PGRMC2: variants seen among roughly 807,000 people sequenced by gnomAD.
PGRMC2 encodes progesterone receptor membrane component 2.
In PGRMC2, 9 loss-of-function variants were observed where a neutral mutation model predicts 19.3. That is an observed-to-expected ratio of 0.47 (90% confidence interval 0.28 to 0.81). The LOEUF (loss-of-function observed/expected upper bound fraction) is 0.81. Among genes scored for constraint, PGRMC2 ranks in the 40% least tolerant of loss-of-function variants. The pLI is 0.11. For synonymous variants in PGRMC2, 157 were observed against 124.6 expected (o/e 1.26, Z -1.73); for missense variants, 289 against 297.3 (o/e 0.97, Z 0.21).
intron 1 of PGRMC2, among the ~76,000 whole-genome samples, chr4:128,285,581 A>C (rs564287795): frequency 1.3e-5 from 2 of 152,336 alleles, no homozygotes; most frequent in Admixed American, 1.3e-4. Flanking sequence ...TGTTTTCTTC[A>C]GTGGCAGTTC....
chr4:128,281,187 T>C (rs1268567744), intron 1 of PGRMC2, among the ~76,000 whole-genome samples: 1 of 152,112 alleles, frequency 6.6e-6, no homozygotes, highest in East Asian at 1.9e-4. Context: ...GAAAACAGGA[T>C]GGGGGAGGAA....
chr4:128,276,903 A>G (rs898353987), intron 1 of PGRMC2, among the ~76,000 whole-genome samples: 4 of 152,168 alleles, frequency 2.6e-5, no homozygotes, highest in African/African-American at 9.7e-5. Flanking sequence ...TTTCAAAGCT[A>G]TTGTTAAATA....
rs187919009 is a variant in PGRMC2, at chr4:128,277,736, A to C, written c.419-5219T>G. Among the ~76,000 whole-genome samples, 537 of 152,328 alleles carry C rather than the reference A, an allele frequency of 3.5e-3. 14 individuals carry two copies. The highest frequency in any genetic ancestry group is 0.031 in the Admixed American group (469 of 15,294). Reference sequence around the variant, plus strand: ...GTAAAAGTGATTAACTGAACTAATAAATTTTTTTATGCTTAGGTCCAGTAA... The same window carrying C: ...GTAAAAGTGATTAACTGAACTAATACATTTTTTTATGCTTAGGTCCAGTAA... On this transcript the variant is annotated intron_variant, in intron 1 of 2. Transcript: ENST00000296425.
intron 1 of PGRMC2, chr4:128,286,808 T>C (rs941705418): frequency 1.0e-5 from 4 of 395,582 alleles, no homozygotes; most frequent in African/African-American, 8.3e-5. Context: ...GACTGGAGGG[T>C]TGGGACTTTA....
In PGRMC2 at chr4:128,287,768, A is replaced by G; in HGVS notation, c.23T>C (p.Val8Ala). MAAGDGD[V>A]KLGTLGSGSE... ...GCCACTCCCCAGGGTGCCTAGCTTCACGTCCCCATCACCAGCCGCCATCAC... is the reference window on the plus strand; with the variant it reads ...GCCACTCCCCAGGGTGCCTAGCTTCGCGTCCCCATCACCAGCCGCCATCAC... Residue 8 changes from valine to alanine, a missense_variant, in exon 1 of 3, where the codon GTG becomes GCG. Transcript: ENST00000296425. The G allele has an allele frequency of 6.8e-7, 1 of 1,475,576 alleles. No individual in the cohort carries two copies. The highest frequency in any genetic ancestry group is 9.3e-7 in the Non-Finnish European group (1 of 1,077,424). The allele number at this position is 1,475,576 out of a possible 1,614,324, so 91.4% of individuals were successfully genotyped here.
At chr4:128,284,665 C>T (rs1476861600) in intron 1 of PGRMC2, among the ~76,000 whole-genome samples, 1 of 152,118 alleles carries the variant, frequency 6.6e-6, no homozygotes, top group African/African-American at 2.4e-5. Flanking sequence ...AAAATTTAAT[C>T]CTAAAACCAT....
At chr4:128,275,565 G>C (rs1760797496) in intron 1 of PGRMC2, among the ~76,000 whole-genome samples, 1 of 152,134 alleles carries the variant, frequency 6.6e-6, no homozygotes, top group Non-Finnish European at 1.5e-5. Flanking sequence ...CTCTTGAATA[G>C]AAAAGAATAA....
At chr4:128,287,203 G>A in intron 1 of PGRMC2, 170 bp downstream of exon 1, 2 of 612,558 alleles carry the variant, frequency 3.3e-6, no homozygotes, top group Non-Finnish European at 2.7e-6. Context: ...GCGGGGGGAC[G>A]GTGTGTGTGT....
intron 1 of PGRMC2, among the ~76,000 whole-genome samples, chr4:128,285,405 A>T (rs893596020): frequency 9.9e-5 from 15 of 152,228 alleles, no homozygotes; most frequent in African/African-American, 3.6e-4. Flanking sequence ...CTGGGATTAC[A>T]GGCATGAACC....
At chr4:128,282,246 TTATTAAAGA>T (rs1215611979) in intron 1 of PGRMC2, among the ~76,000 whole-genome samples, 2 of 152,166 alleles carry the variant, frequency 1.3e-5, no homozygotes, top group African/African-American at 4.8e-5. Flanking sequence ...TGAAATCCTA[TTATTAAAGA>T]TCCTGAGACT....
intron 1 of PGRMC2, among the ~76,000 whole-genome samples, chr4:128,274,733 A>G (rs1760783234): frequency 6.6e-6 from 1 of 152,164 alleles, no homozygotes; most frequent in Admixed American, 6.5e-5. Context: ...AATGCTGACT[A>G]GACCAATGCT....
chr4:128,287,803 G>T lies in PGRMC2; in HGVS notation c.-13C>A, dbSNP rs1043914258. 2.0e-6 allele frequency: 3 copies of T among 1,515,200 alleles called. No individual in the cohort carries two copies. The highest frequency in any genetic ancestry group is 4.6e-5 in the East Asian group (2 of 43,364). 93.9% of individuals were successfully genotyped at this position (1,515,200 alleles called of 1,614,324 possible). ...CACCAGCCGCCATCACTGCCCGCCA[G>T]CGCCTTCCTCCTCCTCCCCGCCCCC... On this transcript the variant is annotated 5_prime_UTR_variant, in exon 1 of 3. It adds an upstream start codon to the 5' untranslated region. Transcript: ENST00000296425.
chr4:128,272,087 TA>T (rs1760739187), intron 2 of PGRMC2, among the ~76,000 whole-genome samples: 1 of 152,234 alleles, frequency 6.6e-6, no homozygotes, highest in Non-Finnish European at 1.5e-5. Context: ...ATCATATTTT[TA>T]TTTAGCTATT....
At position 128,287,434 on chromosome 4, in the gene PGRMC2, G is replaced by C; in HGVS notation, c.357C>G (p.Ile119Met). 1 of 1,613,390 alleles carries C rather than the reference G, an allele frequency of 6.2e-7. No individual in the cohort carries two copies. The highest frequency in any genetic ancestry group is 8.5e-7 in the Non-Finnish European group (1 of 1,179,508). ...RQYDGSRNPR[I>M]LLAVNGKVFD... The stretch of plus-strand genomic sequence containing the variant: ...AGACTTTCCCATTGACCGCGAGCAG[G>C]ATGCGCGGGTTGCGGGAGCCGTCGT... The change falls in exon 1 of 3, where the codon ATC (isoleucine) becomes ATG (methionine). Residue 119 changes from isoleucine to methionine, a missense_variant. Ile to Met is a conservative substitution (Grantham distance 10). Coordinates refer to ENST00000296425, the MANE Select transcript of PGRMC2 (RefSeq NM_006320.6).
At chr4:128,280,615 AT>A (rs923391479) in intron 1 of PGRMC2, among the ~76,000 whole-genome samples, 6 of 151,292 alleles carry the variant, frequency 4.0e-5, no homozygotes, top group Non-Finnish European at 5.9e-5. Context: ...GTCAATTTAC[AT>A]TTTTTTTTGA....
At chr4:128,276,727 G>A (rs1760818626) in intron 1 of PGRMC2, among the ~76,000 whole-genome samples, 2 of 152,136 alleles carry the variant, frequency 1.3e-5, no homozygotes, top group South Asian at 4.1e-4. Context: ...ATTAAATTCT[G>A]TTGCTTTATC....
chr4:128,275,291 A>G (rs1760790775), intron 1 of PGRMC2, among the ~76,000 whole-genome samples: 1 of 152,202 alleles, frequency 6.6e-6, no homozygotes, highest in African/African-American at 2.4e-5. Context: ...TACAAAGGAG[A>G]GAAGATAAAA....
chr4:128,271,520 A>C (rs1254459790), intron 2 of PGRMC2, 107 bp from the exon 3 acceptor site: 1 of 574,736 alleles, frequency 1.7e-6, no homozygotes, highest in Non-Finnish European at 3.0e-6. Flanking sequence ...AAATATGATT[A>C]TTAGAATATT....
At position 128,270,123 on chromosome 4, in the gene PGRMC2, A is replaced by T. The variant is rs1010184553; in HGVS notation, c.*1193T>A. Reference sequence around the variant, plus strand: ...CACTGGCTTACAGTTCTGTATATAAAGTCCAACTCAAGCTTATTTTGGTTT... The same window carrying T: ...CACTGGCTTACAGTTCTGTATATAATGTCCAACTCAAGCTTATTTTGGTTT... On this transcript the variant is annotated 3_prime_UTR_variant, in exon 3 of 3. Coordinates refer to ENST00000296425, the MANE Select transcript of PGRMC2 (RefSeq NM_006320.6). 4 of 152,670 alleles carry T rather than the reference A, an allele frequency of 2.6e-5. No individual in the cohort carries two copies. Among genetic ancestry groups the T allele is most frequent in the African/African-American group, 9.6e-5 (4 of 41,456 alleles). 9.5% of individuals were successfully genotyped at this position (152,670 alleles called of 1,614,324 possible).
Sources: allele counts gnomAD v4.1 joint callset (sites outside exome capture counted in the v4.1 genomes callset), GRCh38; gene constraint gnomAD v4.1.1; transcripts MANE v1.5; gene names NCBI Gene and HGNC (gene_info 2026-07-23, HGNC 2026-07-21).